Variants in LRRC31 observed in about 807,000 individuals in gnomAD.
LRRC31 encodes leucine rich repeat containing 31.
LRRC31 carries 35 observed loss-of-function variants against 46.7 expected under a neutral mutation model. That is an observed-to-expected ratio of 0.75 (90% CI 0.57 to 0.99). LRRC31 has a LOEUF of 0.99. Among genes scored for constraint, LRRC31 ranks in the 50% least tolerant of loss-of-function variants. LRRC31 has a pLI of 0.00. For missense variants in LRRC31, 613 were observed against 626.1 expected, an observed-to-expected ratio of 0.98 and a Z score of 0.22; for synonymous variants, 236 against 235.1, an observed-to-expected ratio of 1.00 and a Z score of -0.03.
At chr3:169,842,981 C>A (rs893623661) in intron 8 of LRRC31, among the ~76,000 whole-genome samples, 1 of 152,106 alleles carries the variant, frequency 6.6e-6, no homozygotes, top group South Asian at 2.1e-4. Context: ...TTCTAAATAG[C>A]CACCTTAAGA....
chr3:169,842,066 C>T (rs1560620778), intron 8 of LRRC31, among the ~76,000 whole-genome samples: 1 of 151,938 alleles, frequency 6.6e-6, no homozygotes, highest in Non-Finnish European at 1.5e-5. Flanking sequence ...AAATAAAATA[C>T]ATAAATAAAT....
chr3:169,850,344 C>T (rs1347946643), intron 7 of LRRC31, among the ~76,000 whole-genome samples: 7 of 152,196 alleles, frequency 4.6e-5, no homozygotes, highest in Admixed American at 4.6e-4. Context: ...ACTTGGTCCT[C>T]ACCATGTCCT....
intron 6 of LRRC31, among the ~76,000 whole-genome samples, chr3:169,852,271 C>T (rs953857180): frequency 3.7e-4 from 56 of 150,550 alleles, no homozygotes; most frequent in African/African-American, 1.2e-3. Flanking sequence ...GGCGCAGTGG[C>T]GGGCGCCTGT....
rs907212795 is a variant in LRRC31 at position 169,839,421 on chromosome 3, G to C, written c.*561C>G. 1.3e-5 allele frequency: 2 copies of C among 151,974 alleles called. No individual in the cohort carries two copies. Among genetic ancestry groups the C allele is most frequent in the Non-Finnish European group, 2.9e-5 (2 of 67,978 alleles). The allele number at this position is 151,974 out of a possible 1,614,324, so 9.4% of individuals were successfully genotyped here. A position where few individuals can be genotyped will look rare whatever the true frequency, so the allele number is the denominator to read the frequency against. ...AATATAAAATAATAAACCATAGAAA[G>C]GTACACTTTCTGATAAAAACCTACA... On this transcript the variant is annotated 3_prime_UTR_variant, in exon 9 of 9. Coordinates refer to ENST00000316428, the MANE Select transcript of LRRC31 (RefSeq NM_024727.4).
chr3:169,848,108 G>C lies in LRRC31; in HGVS notation c.1327+12C>G, dbSNP rs1419742505. On this transcript the variant is annotated intron_variant, in intron 8 of 8. Transcript: ENST00000316428. ...GTTTGCCAAGACCGCTTGGGAACAA[G>C]TAGATACACACCCAGGAGAGCCACA... 1 of 1,609,338 alleles carries C rather than the reference G, an allele frequency of 6.2e-7. No individual in the cohort carries two copies. The highest frequency in any genetic ancestry group is 1.3e-5 in the African/African-American group (1 of 74,820).
intron 1 of LRRC31, among the ~76,000 whole-genome samples, chr3:169,868,832 G>T (rs1781407074): frequency 1.3e-5 from 2 of 152,054 alleles, no homozygotes; most frequent in Non-Finnish European, 2.9e-5. Context: ...AAAGTCTTTA[G>T]TTTAACCCAT....
At chr3:169,864,738 C>T (rs1781277656) in intron 1 of LRRC31, among the ~76,000 whole-genome samples, 1 of 152,136 alleles carries the variant, frequency 6.6e-6, no homozygotes, top group Non-Finnish European at 1.5e-5. Flanking sequence ...ACTTATGAGA[C>T]CCCTGGACAT....
At chr3:169,840,651 A>C (rs1234565903) in intron 8 of LRRC31, among the ~76,000 whole-genome samples, 1 of 152,182 alleles carries the variant, frequency 6.6e-6, no homozygotes, top group Non-Finnish European at 1.5e-5. Context: ...TTAACTAAGG[A>C]CCATTTGTAA....
intron 3 of LRRC31, among the ~76,000 whole-genome samples, chr3:169,858,485 C>T (rs2108219522): frequency 6.6e-6 from 1 of 152,256 alleles, no homozygotes; most frequent in South Asian, 2.1e-4. Flanking sequence ...GGGCTAAACT[C>T]ATCATGTAAA....
In LRRC31 at chr3:169,840,237, C is replaced by G. The variant is rs3732451; in HGVS notation, c.1404G>C (p.Ala468=). ...DLSYNDSICD[A]GWTMFCQNVR... ...CGTTTTGGCAGAACATGGTCCACCC[C>G]GCATCACAGATGCTGTCATTGTAGC... is the stretch of plus-strand genomic sequence containing the variant. The change falls in exon 9 of 9, where the codon GCG becomes GCC. Residue 468 remains alanine (A), a synonymous_variant. Coordinates refer to ENST00000316428, the MANE Select transcript of LRRC31 (RefSeq NM_024727.4). 2.5e-6 allele frequency: 4 copies of G among 1,613,760 alleles called. No individual in the cohort carries two copies. Among genetic ancestry groups the G allele is most frequent in the Non-Finnish European group, 3.4e-6 (4 of 1,179,934 alleles).
intron 1 of LRRC31, among the ~76,000 whole-genome samples, chr3:169,866,122 C>T (rs776741769): frequency 5.3e-5 from 8 of 152,022 alleles, no homozygotes; most frequent in Non-Finnish European, 8.8e-5. Context: ...TTTAAGCAGG[C>T]GAGAGACACC....
At chr3:169,851,369 C>T (rs1576787766) in intron 7 of LRRC31, among the ~76,000 whole-genome samples, 1 of 152,010 alleles carries the variant, frequency 6.6e-6, no homozygotes, top group Non-Finnish European at 1.5e-5. Flanking sequence ...GCCAAGGTCG[C>T]GCCACTGCAC....
chr3:169,855,886 A>C (rs961788579), intron 5 of LRRC31, among the ~76,000 whole-genome samples: 5 of 152,026 alleles, frequency 3.3e-5, no homozygotes, highest in African/African-American at 1.2e-4. Flanking sequence ...AAATATTTAG[A>C]AAATAAATAA....
chr3:169,843,021 G>A (rs746597394), intron 8 of LRRC31, among the ~76,000 whole-genome samples: 119 of 143,670 alleles, frequency 8.3e-4, no homozygotes, highest in Non-Finnish European at 1.3e-3. Flanking sequence ...ACTGAATGTG[G>A]TAGATTTTGC....
In LRRC31 at chr3:169,869,672, G is replaced by T. The variant is rs1216331892; in HGVS notation, c.136C>A (p.Pro46Thr). The change falls in exon 1 of 9, where the codon CCC becomes ACC. Residue 46 changes from proline to threonine, a missense_variant. Physicochemically the swap from Pro to Thr is conservative, Grantham distance 38 (BLOSUM62 -1). Transcript: ENST00000316428. ...DNDLKTSDSQPSDWIQKTATS... is the reference protein window; with the variant it reads ...DNDLKTSDSQTSDWIQKTATS... ...GCTGTCTTCTGTATCCAGTCGCTGG[G>T]TTGGGAATCACTTGTTTTAAGGTCA... is the stretch of plus-strand genomic sequence containing the variant. The T allele has an allele frequency of 6.2e-7, 1 of 1,610,448 alleles. No individual in the cohort carries two copies. The highest frequency in any genetic ancestry group is 8.5e-7 in the Non-Finnish European group (1 of 1,178,808).
intron 6 of LRRC31, chr3:169,853,482 A>G (rs1438859405): frequency 1.0e-6 from 1 of 985,534 alleles, no homozygotes; most frequent in Non-Finnish European, 1.2e-6. Flanking sequence ...AGTGGGAACA[A>G]TTGAGGTTCT....
intron 2 of LRRC31, 143 bp from the exon 3 acceptor site, chr3:169,860,871 C>G (rs1781131835): frequency 2.8e-6 from 2 of 724,746 alleles, no homozygotes; most frequent in South Asian, 3.7e-5. Flanking sequence ...TTGGGCAAAG[C>G]AGGGAGCCCT....
intron 1 of LRRC31, 73 bp from the exon 2 acceptor site, chr3:169,861,886 G>C: frequency 6.8e-7 from 1 of 1,471,862 alleles, no homozygotes; most frequent in Non-Finnish European, 9.3e-7. Context: ...ACCACAATCA[G>C]ACAAGTGAAA....
At position 169,856,352 on chromosome 3, in the gene LRRC31, C is replaced by T. The variant is rs746799401; in HGVS notation, c.807G>A (p.Lys269=). The T allele has an allele frequency of 1.3e-6, 2 of 1,585,320 alleles. No homozygotes were observed. The highest frequency in any genetic ancestry group is 8.6e-7 in the Non-Finnish European group (1 of 1,165,862). The part of the protein sequence containing the change: ...LKLHSCGLSQ[K]SVKILDAAFR... ...TTAACTCACCCAATATTTTGACACT[C>T]TTTTGTGATAATCCACATGAATGTA... The change falls in exon 5 of 9, where the codon AAG becomes AAA. Residue 269 remains lysine, a synonymous_variant. Coordinates refer to ENST00000316428, the MANE Select transcript of LRRC31 (RefSeq NM_024727.4).
Sources: allele counts gnomAD v4.1 joint callset (sites outside exome capture counted in the v4.1 genomes callset), GRCh38; gene constraint gnomAD v4.1.1; transcripts MANE v1.5; gene names NCBI Gene and HGNC (gene_info 2026-07-23, HGNC 2026-07-21).